Variants in TRIM49C observed in about 807,000 individuals in gnomAD.
TRIM49C encodes tripartite motif-containing protein 49C.
In TRIM49C, 6 loss-of-function variants were observed where a neutral mutation model predicts 21.4. The observed-to-expected ratio is 0.28, with a 90% CI of 0.15 to 0.55. The LOEUF is 0.55. TRIM49C is among the 20% of genes least tolerant of loss of function. TRIM49C has a pLI of 0.94. For synonymous variants in TRIM49C, 57 were observed against 148.1 expected (o/e 0.38, Z 4.47); for missense variants, 161 against 442.4 (o/e 0.36, Z 5.71).
Position 90,038,672 on chromosome 11 carries a change from TC to T in TRIM49C, c.739-20del. 1 of 1,018,750 alleles carries T rather than the reference TC, an allele frequency of 9.8e-7. No individual in the cohort carries two copies. Among genetic ancestry groups the T allele is most frequent in the Non-Finnish European group, 1.3e-6 (1 of 750,068 alleles). The allele number at this position is 1,018,750 out of a possible 1,614,324, so 63.1% of individuals were successfully genotyped here. ...CATCTTGTGAAATGCACTAAATCTT[TC>T]TTCTTTTTTTTTTTTTCAGGCTTTT... is the stretch of plus-strand genomic sequence containing the variant. On this transcript the variant is annotated intron_variant, in intron 5 of 7. Coordinates refer to ENST00000448984, the MANE Select transcript of TRIM49C (RefSeq NM_001195234.1).
chr11:90,037,123 A>G (rs1950734331), intron 4 of TRIM49C, among the ~76,000 whole-genome samples: 1 of 135,068 alleles, frequency 7.4e-6, no homozygotes, highest in African/African-American at 2.6e-5. Context: ...ATACATATAT[A>G]TGTAATTCTA....
chr11:90,054,303 A>T, the TRIM49C span, among the ~76,000 whole-genome samples: 1 of 132,540 alleles, frequency 7.5e-6, no homozygotes, highest in Non-Finnish European at 1.6e-5. Context: ...GATATTTAGA[A>T]TTTCATCTTC....
chr11:90,046,662 T>C (rs528895647), downstream of TRIM49C, among the ~76,000 whole-genome samples: 1 of 124,432 alleles, frequency 8.0e-6, no homozygotes, highest in Non-Finnish European at 1.6e-5. Context: ...CTCTCTTTTC[T>C]TCTTTATTAG....
chr11:90,045,951 C>A (rs1201986570), downstream of TRIM49C, among the ~76,000 whole-genome samples: 2 of 120,184 alleles, frequency 1.7e-5, 1 homozygote, highest in Non-Finnish European at 3.4e-5. Context: ...TGAGATACGT[C>A]CCATCAATAC....
At chr11:90,044,048 T>A (rs1950787697), downstream of TRIM49C, among the ~76,000 whole-genome samples, 1 of 45,370 alleles carries the variant, frequency 2.2e-5, no homozygotes, top group Non-Finnish European at 3.8e-5. Flanking sequence ...GTCCTTGTGA[T>A]AGTTTGCTGA....
At chr11:90,062,945 C>T in the TRIM49C span, 1 of 1,408,764 alleles carries the variant, frequency 7.1e-7, no homozygotes, top group East Asian at 2.6e-5. Flanking sequence ...GTAGTTCACG[C>T]AAATGCAGCA....
At chr11:90,064,789 G>T in the TRIM49C span, among the ~76,000 whole-genome samples, 2 of 150,118 alleles carry the variant, frequency 1.3e-5, no homozygotes, top group South Asian at 4.2e-4. Context: ...CACCATGTTG[G>T]CCAGGCTGGT....
At chr11:90,052,128 G>T in the TRIM49C span, 11 of 475,116 alleles carry the variant, frequency 2.3e-5, 2 homozygotes. Flanking sequence ...GGGAGGGGTC[G>T]GCAGAGCCCC....
chr11:90,071,196 G>GGA, the TRIM49C span: 1 of 492,926 alleles, frequency 2.0e-6, no homozygotes, highest in African/African-American at 2.0e-5. Context: ...AGTGCAAGCT[G>GGA]GAGCACAAGG....
rs1196803261 is a variant in TRIM49C at position 90,039,508 on chromosome 11, T to G, written c.762-357T>G. 3.8e-5 allele frequency among the ~76,000 whole-genome samples: 5 copies of G among 131,726 alleles called. 2 individuals carry two copies. The highest frequency in any genetic ancestry group is 1.8e-4 in the Admixed American group (2 of 11,294). The allele number at this position is 131,726 out of a possible 152,430, so 86.4% of individuals were successfully genotyped here. A position where few individuals can be genotyped will look rare whatever the true frequency, so the allele number is the denominator to read the frequency against. On this transcript the variant is annotated intron_variant, in intron 6 of 7. Coordinates refer to ENST00000448984, the MANE Select transcript of TRIM49C (RefSeq NM_001195234.1). ...ATTCTTTATCTTGAGAAGGAAGCAG[T>G]GGATGCATCAGTCTCCCCAAAACCC...
chr11:90,055,630 A>G, the TRIM49C span, among the ~76,000 whole-genome samples: 2 of 150,700 alleles, frequency 1.3e-5, no homozygotes, highest in African/African-American at 4.9e-5. Context: ...TTGAACCTAT[A>G]GGATGGGAAT....
the TRIM49C span, among the ~76,000 whole-genome samples, chr11:90,055,678 G>C: frequency 4.8e-5 from 7 of 147,278 alleles, 1 homozygote; most frequent in South Asian, 1.6e-3. Flanking sequence ...TTTCCTTAAA[G>C]CCAAATACTC....
chr11:90,045,146 G>A (rs1166385705), downstream of TRIM49C, among the ~76,000 whole-genome samples: 6 of 137,352 alleles, frequency 4.4e-5, 1 homozygote, highest in Admixed American at 8.5e-5. Context: ...TCTCTGTTTC[G>A]GTACCAGTCC....
At chr11:90,071,309 G>A in the TRIM49C span, 1 of 406,924 alleles carries the variant, frequency 2.5e-6, no homozygotes, top group South Asian at 1.9e-5. Context: ...GTGTACTTAT[G>A]TGTTTGTGTG....
downstream of TRIM49C, among the ~76,000 whole-genome samples, chr11:90,045,351 A>G (rs1200315833): frequency 1.5e-5 from 1 of 64,642 alleles, no homozygotes; most frequent in African/African-American, 6.1e-5. Context: ...CATTGAATCT[A>G]TAAATTACCT....
At chr11:90,072,350 T>C in the TRIM49C span, among the ~76,000 whole-genome samples, 1 of 149,030 alleles carries the variant, frequency 6.7e-6, no homozygotes, top group African/African-American at 2.5e-5. Context: ...TAGATCATGA[T>C]AAATCCAGCA....
At chr11:90,062,266 A>G in the TRIM49C span, among the ~76,000 whole-genome samples, 1 of 128,532 alleles carries the variant, frequency 7.8e-6, no homozygotes, top group Non-Finnish European at 1.6e-5. Flanking sequence ...CCCTTCAGAT[A>G]ATATCATCAA....
chr11:90,038,810 T>C lies in TRIM49C; in HGVS notation c.761+95T>C, dbSNP rs563467775. ...AGTCATGGCATAAATAATTAAGATA[T>C]TGATACCACTTTTTTTTGCATCTAC... On this transcript the variant is annotated intron_variant, in intron 6 of 7. Coordinates refer to ENST00000448984, the MANE Select transcript of TRIM49C (RefSeq NM_001195234.1). 403 of 495,948 alleles carry C rather than the reference T, an allele frequency of 8.1e-4. 28 individuals carry two copies. In the Middle Eastern group the frequency reaches 0.017, roughly 21 times the overall value. 30.7% of individuals were successfully genotyped at this position (495,948 alleles called of 1,614,324 possible). A position where few individuals can be genotyped will look rare whatever the true frequency, so the allele number is the denominator to read the frequency against.
At chr11:90,067,567 C>G in the TRIM49C span, among the ~76,000 whole-genome samples, 1 of 143,254 alleles carries the variant, frequency 7.0e-6, no homozygotes, top group Non-Finnish European at 1.5e-5. Flanking sequence ...CTAGAGTTGA[C>G]CCTTGAACAC....
Sources: gnomAD v4.1 joint callset for allele counts (sites outside exome capture counted in the v4.1 genomes callset) on GRCh38, gnomAD v4.1.1 for gene constraint, MANE v1.5 for transcripts, NCBI Gene and HGNC (gene_info 2026-07-23, HGNC 2026-07-21) for gene names.